TFDP2: variants seen among roughly 807,000 people sequenced by gnomAD.
TFDP2 encodes the protein transcription factor Dp-2 (E2F dimerization partner 2).
TFDP2 carries 17 observed loss-of-function variants against 59.3 expected under a neutral mutation model. The ratio of observed to expected loss-of-function variants is 0.29; its 90% CI spans 0.20 to 0.43. TFDP2 has a LOEUF of 0.43. Ranked by LOEUF, TFDP2 falls within the 20% of genes least tolerant of loss-of-function variation. The pLI, the probability that TFDP2 is intolerant of heterozygous loss-of-function variation, is 1.00. For missense variants in TFDP2, 391 were observed against 528.8 expected (o/e 0.74, Z 2.56); for synonymous variants, 180 against 194.7 (o/e 0.92, Z 0.63).
At chr3:141,989,569 G>T (rs1213231167) in intron 6 of TFDP2, 1 of 152,166 alleles carries the variant, frequency 6.6e-6, no homozygotes, top group African/African-American at 2.4e-5. Flanking sequence ...TGGGATAAGA[G>T]GTACAAGGGG....
chr3:142,141,805 A>G (rs1807831), intron 1 of TFDP2, among the ~76,000 whole-genome samples: 3,656 of 152,118 alleles, frequency 0.024, 165 homozygotes, highest in African/African-American at 0.083. Flanking sequence ...CCTGGGTGAC[A>G]GAGCAAGACT....
intron 11 of TFDP2, among the ~76,000 whole-genome samples, chr3:141,957,487 CAT>C (rs1406433750): frequency 6.6e-6 from 1 of 152,086 alleles, no homozygotes; most frequent in Non-Finnish European, 1.5e-5. Flanking sequence ...GAGATAAAAA[CAT>C]ATGTTTACAC....
At chr3:142,014,984 C>T (rs1945020066) in intron 3 of TFDP2, among the ~76,000 whole-genome samples, 2 of 152,196 alleles carry the variant, frequency 1.3e-5, no homozygotes, top group South Asian at 4.2e-4. Flanking sequence ...CACAATTCCA[C>T]TGAAATTCTT....
At chr3:142,119,734 T>C (rs750685539) in intron 1 of TFDP2, among the ~76,000 whole-genome samples, 2 of 152,050 alleles carry the variant, frequency 1.3e-5, no homozygotes, top group Admixed American at 6.6e-5. Flanking sequence ...ACCTGGGCAA[T>C]ATAGCAACAC....
intron 3 of TFDP2, among the ~76,000 whole-genome samples, chr3:142,027,289 AAAAT>A (rs1946164341): frequency 3.2e-5 from 2 of 61,894 alleles, no homozygotes; most frequent in Non-Finnish European, 6.4e-5. Context: ...TCCTGAATAT[AAAAT>A]AATAAATTTT....
chr3:142,016,502 T>C (rs187322681), intron 3 of TFDP2, among the ~76,000 whole-genome samples: 5 of 152,082 alleles, frequency 3.3e-5, no homozygotes, highest in Non-Finnish European at 4.4e-5. Flanking sequence ...GGTTTTGCCA[T>C]GTTGGCCAGG....
intron 6 of TFDP2, among the ~76,000 whole-genome samples, chr3:141,985,030 C>G (rs1202399378): frequency 1.3e-5 from 2 of 151,968 alleles, no homozygotes; most frequent in East Asian, 3.8e-4. Context: ...ATTGTCACAT[C>G]TGGTTAACTA....
chr3:141,958,901 A>G (rs1328428988), intron 11 of TFDP2, among the ~76,000 whole-genome samples: 1 of 151,726 alleles, frequency 6.6e-6, no homozygotes, highest in Non-Finnish European at 1.5e-5. Context: ...ATGGGCAGAT[A>G]ATAGATATAC....
intron 3 of TFDP2, among the ~76,000 whole-genome samples, chr3:142,032,302 CTA>C (rs1946468637): frequency 6.6e-6 from 1 of 152,074 alleles, no homozygotes; most frequent in Non-Finnish European, 1.5e-5. Flanking sequence ...CAGGGTTTTG[CTA>C]TGTTGCCCAG....
intron 3 of TFDP2, among the ~76,000 whole-genome samples, chr3:142,082,114 A>G (rs1455441750): frequency 2.0e-5 from 3 of 152,076 alleles, no homozygotes; most frequent in Non-Finnish European, 4.4e-5. Flanking sequence ...CCTCTGTCAG[A>G]TTAGCCACGA....
At chr3:142,069,336 T>A (rs2060168762) in intron 3 of TFDP2, among the ~76,000 whole-genome samples, 1 of 152,326 alleles carries the variant, frequency 6.6e-6, no homozygotes. Context: ...TTTAACTACA[T>A]CCTAGTGATG....
intron 3 of TFDP2, among the ~76,000 whole-genome samples, chr3:142,025,927 G>A (rs552679619): frequency 6.6e-6 from 1 of 152,200 alleles, no homozygotes; most frequent in Non-Finnish European, 1.5e-5. Flanking sequence ...TCACACCATT[G>A]CACTCCAGCC....
At chr3:141,978,788 A>C (rs1576551343) in intron 6 of TFDP2, 106 bp from the exon 7 acceptor site, 2 of 864,388 alleles carry the variant, frequency 2.3e-6, no homozygotes, top group East Asian at 6.2e-5. Flanking sequence ...TTTTACTTCA[A>C]GTGTCAAAAA....
chr3:142,091,220 AAT>A (rs1292961550), intron 3 of TFDP2, among the ~76,000 whole-genome samples: 2 of 152,292 alleles, frequency 1.3e-5, no homozygotes, highest in East Asian at 3.9e-4. Context: ...ATTTTCTATG[AAT>A]GTTGTCATGT....
chr3:142,120,646 C>A (rs1008183961), intron 1 of TFDP2, among the ~76,000 whole-genome samples: 3 of 152,166 alleles, frequency 2.0e-5, no homozygotes, highest in Non-Finnish European at 2.9e-5. Context: ...TACACAGTAT[C>A]TTTGCTTATA....
At chr3:142,048,952 TA>T (rs1947477825) in intron 3 of TFDP2, among the ~76,000 whole-genome samples, 1 of 152,194 alleles carries the variant, frequency 6.6e-6, no homozygotes, top group Non-Finnish European at 1.5e-5. Flanking sequence ...ATGGGCATCA[TA>T]ATAGCATCTA....
At chr3:142,106,766 C>T (rs1017604776) in intron 1 of TFDP2, among the ~76,000 whole-genome samples, 6 of 152,178 alleles carry the variant, frequency 3.9e-5, no homozygotes, top group African/African-American at 1.4e-4. Context: ...CGCCATCTGC[C>T]ATGATCTCGT....
At chr3:142,006,863 G>A (rs372972004) in intron 3 of TFDP2, among the ~76,000 whole-genome samples, 3 of 151,854 alleles carry the variant, frequency 2.0e-5, no homozygotes, top group South Asian at 2.1e-4. Flanking sequence ...TGCAACCTCC[G>A]CTTCCCAGGT....
rs1300019383 is a variant in TFDP2, at chr3:142,121,139, T to C, written c.-92-19298A>G. 6.6e-6 allele frequency among the ~76,000 whole-genome samples: 1 copy of C among 152,048 alleles called. No homozygotes were observed. The highest frequency in any genetic ancestry group is 1.5e-5 in the Non-Finnish European group (1 of 68,020). On this transcript the variant is annotated intron_variant, in intron 1 of 12. Coordinates refer to ENST00000489671, the MANE Select transcript of TFDP2 (RefSeq NM_001178139.2). This position sits in a 1 kb window ranked among gnomAD's most constrained non-coding sequence, Gnocchi z 4.3. ...CAGGGAGATTTGTGAAAGACTCACA[T>C]TGAATGAATTTTTAAAAAGTCAGAA...
Sources: gnomAD v4.1 joint callset for allele counts (sites outside exome capture counted in the v4.1 genomes callset) on GRCh38, gnomAD v4.1.1 for gene constraint, Gnocchi (gnomAD v3.1) non-coding constraint, MANE v1.5 for transcripts, NCBI Gene and HGNC (gene_info 2026-07-23, HGNC 2026-07-21) for gene names.